Variants in ADAMTS17 observed in about 807,000 individuals in gnomAD.
ADAMTS17 encodes A disintegrin and metalloproteinase with thrombospondin motifs 17.
ADAMTS17 carries 113 observed loss-of-function variants against 141.5 expected under a neutral mutation model. That is an observed-to-expected ratio of 0.80 (90% CI 0.69 to 0.93). The LOEUF is 0.93. Ranked by LOEUF, ADAMTS17 falls within the 40% of genes least tolerant of loss-of-function variation. The probability of loss-of-function intolerance (pLI) is 0.00; values close to 1 mark genes in which losing one functional copy is unlikely to be tolerated. For synonymous variants in ADAMTS17, 768 were observed against 630.6 expected (o/e 1.22, Z -3.27); for missense variants, 1,659 against 1,517.9 (o/e 1.09, Z -1.54).
chr15:99,999,897 C>T (rs1313113793), intron 18 of ADAMTS17, among the ~76,000 whole-genome samples: 1 of 152,162 alleles, frequency 6.6e-6, no homozygotes, highest in African/African-American at 2.4e-5. Context: ...AGAGCACCTC[C>T]TCTGGAGCTA....
In ADAMTS17 at chr15:100,261,486, C is replaced by G; in HGVS notation, c.1024G>C (p.Val342Leu). The change falls in exon 6 of 22, where the codon GTG becomes CTG. Residue 342 changes from valine (V) to leucine (L), a missense_variant. Val to Leu is a conservative substitution (Grantham distance 32). Transcript: ENST00000268070. ...GGCCAAATCCCATCTTACCTGGTCA[C>G]AAACACGGCAGCATCCACCAGGGGC... is the stretch of plus-strand genomic sequence containing the variant. Reference protein sequence around the residue: ...DPPLVDAAVFVTRTDFCVHKD... With the variant: ...DPPLVDAAVFLTRTDFCVHKD... 6.2e-7 allele frequency: 1 copy of G among 1,614,130 alleles called. No homozygotes were observed. The highest frequency in any genetic ancestry group is 8.5e-7 in the Non-Finnish European group (1 of 1,180,046).
intron 18 of ADAMTS17, among the ~76,000 whole-genome samples, chr15:100,010,079 C>A (rs986189830): frequency 2.6e-5 from 4 of 152,336 alleles, no homozygotes; most frequent in African/African-American, 9.6e-5. Context: ...TTATAAAGGG[C>A]AGTTCCCCGG....
intron 8 of ADAMTS17, among the ~76,000 whole-genome samples, chr15:100,181,382 G>A (rs1360172530): frequency 6.6e-6 from 1 of 152,170 alleles, no homozygotes; most frequent in Non-Finnish European, 1.5e-5. Flanking sequence ...AGCAGAAGGA[G>A]TCTCTTACCA....
chr15:100,326,228 A>T (rs4965637), intron 3 of ADAMTS17, among the ~76,000 whole-genome samples: 1 of 152,016 alleles, frequency 6.6e-6, no homozygotes, highest in Non-Finnish European at 1.5e-5. Flanking sequence ...ATATTAACTT[A>T]AAGAAACTCA....
intron 7 of ADAMTS17, among the ~76,000 whole-genome samples, chr15:100,205,654 C>T (rs986247319): frequency 1.2e-4 from 18 of 152,310 alleles, no homozygotes; most frequent in African/African-American, 4.3e-4. Flanking sequence ...CACCTCAGGA[C>T]ATCAGAGGAG....
At chr15:100,284,966 G>A (rs1420658099) in intron 3 of ADAMTS17, among the ~76,000 whole-genome samples, 1 of 152,178 alleles carries the variant, frequency 6.6e-6, no homozygotes. Context: ...GGAATGAAGG[G>A]TGGCTCTCGC....
At chr15:100,229,459 T>A (rs550858312) in intron 7 of ADAMTS17, among the ~76,000 whole-genome samples, 1 of 152,322 alleles carries the variant, frequency 6.6e-6, no homozygotes, top group East Asian at 1.9e-4. Flanking sequence ...CTTATTTCAG[T>A]GGCTTCTGTT....
intron 15 of ADAMTS17, among the ~76,000 whole-genome samples, chr15:100,057,632 G>C (rs2032698829): frequency 6.6e-6 from 1 of 152,136 alleles, no homozygotes; most frequent in Non-Finnish European, 1.5e-5. Context: ...GGTTTCTCCT[G>C]GGAACATGTT....
At chr15:100,187,052 G>C (rs1295766279) in intron 8 of ADAMTS17, among the ~76,000 whole-genome samples, 4 of 152,102 alleles carry the variant, frequency 2.6e-5, no homozygotes, top group African/African-American at 7.2e-5. Context: ...TGGACCGAGA[G>C]AGCCAGACTC....
At chr15:100,271,827 T>C (rs1567465370) in intron 4 of ADAMTS17, among the ~76,000 whole-genome samples, 1 of 152,206 alleles carries the variant, frequency 6.6e-6, no homozygotes, top group Non-Finnish European at 1.5e-5. Flanking sequence ...CACAAAACTT[T>C]TCCGTTTTTT....
At chr15:99,982,529 C>A (rs868507793) in intron 20 of ADAMTS17, among the ~76,000 whole-genome samples, 1 of 152,218 alleles carries the variant, frequency 6.6e-6, no homozygotes, top group Non-Finnish European at 1.5e-5. Context: ...CCTTCTCTGT[C>A]GGCCTCCCCT....
At position 99,976,026 on chromosome 15, in the gene ADAMTS17, G is replaced by A. The variant is rs756532728; in HGVS notation, c.3127+19C>T. Reference sequence around the variant, plus strand: ...GACACAGCAGCCCCCTGGGAACCGGGGCCAGTGAAGACACTCACCAAGGCG... The same window carrying A: ...GACACAGCAGCCCCCTGGGAACCGGAGCCAGTGAAGACACTCACCAAGGCG... On this transcript the variant is annotated intron_variant, in intron 21 of 21. Coordinates refer to ENST00000268070, the MANE Select transcript of ADAMTS17 (RefSeq NM_139057.4). 2 of 1,545,432 alleles carry A rather than the reference G, an allele frequency of 1.3e-6. No individual in the cohort carries two copies. Among genetic ancestry groups the A allele is most frequent in the South Asian group, 1.2e-5 (1 of 83,234 alleles).
At chr15:100,214,260 G>A (rs1326296632) in intron 7 of ADAMTS17, among the ~76,000 whole-genome samples, 3 of 152,124 alleles carry the variant, frequency 2.0e-5, no homozygotes, top group Non-Finnish European at 4.4e-5. Context: ...CTTGTCATCT[G>A]GCTTTGTGAA....
chr15:100,099,032 C>T (rs368047617), intron 14 of ADAMTS17, among the ~76,000 whole-genome samples: 176 of 152,336 alleles, frequency 1.2e-3, no homozygotes, highest in African/African-American at 4.1e-3. Context: ...TGTCCTGCAC[C>T]TCAGTTAAGG....
intron 12 of ADAMTS17, among the ~76,000 whole-genome samples, chr15:100,119,514 G>A (rs1239690239): frequency 6.6e-6 from 1 of 152,180 alleles, no homozygotes; most frequent in African/African-American, 2.4e-5. Flanking sequence ...AGTGGTTATC[G>A]AGCTTCCTTT....
intron 14 of ADAMTS17, among the ~76,000 whole-genome samples, chr15:100,103,668 G>A (rs1479864488): frequency 2.0e-5 from 3 of 151,564 alleles, no homozygotes; most frequent in Non-Finnish European, 4.4e-5. Flanking sequence ...AACCTCCACT[G>A]CCCGGGTTCA....
At chr15:100,296,275 A>C (rs1190653503) in intron 3 of ADAMTS17, among the ~76,000 whole-genome samples, 1 of 151,840 alleles carries the variant, frequency 6.6e-6, no homozygotes, top group Non-Finnish European at 1.5e-5. Flanking sequence ...TTTTTTTTTA[A>C]CAAAAGCAAA....
chr15:100,188,458 G>A (rs2086452), intron 8 of ADAMTS17, among the ~76,000 whole-genome samples: 82,462 of 151,738 alleles, frequency 0.54, 22,910 homozygotes, highest in Non-Finnish European at 0.6. Context: ...GGGAGAGTCT[G>A]ACATTCTTCT....
At chr15:100,159,357 T>C (rs1349284920) in intron 8 of ADAMTS17, among the ~76,000 whole-genome samples, 1 of 152,368 alleles carries the variant, frequency 6.6e-6, no homozygotes, top group Admixed American at 6.5e-5. Context: ...TGAAATCAGC[T>C]TTTTATTTTC....
Sources: gnomAD v4.1 joint callset for allele counts (sites outside exome capture counted in the v4.1 genomes callset) on GRCh38, gnomAD v4.1.1 for gene constraint, MANE v1.5 for transcripts, NCBI Gene and HGNC (gene_info 2026-07-23, HGNC 2026-07-21) for gene names.